The following CACNA2D1 variants were observed in gnomAD, a reference collection of about 807,000 sequenced individuals.
The protein encoded by CACNA2D1 is voltage-dependent calcium channel subunit alpha-2/delta-1.
A neutral mutation model predicts 171.5 loss-of-function variants in CACNA2D1; 53 were observed. That is an observed-to-expected ratio of 0.31 (90% CI 0.25 to 0.39). CACNA2D1 has a LOEUF of 0.39. Among genes scored for constraint, CACNA2D1 ranks in the 10% least tolerant of loss-of-function variants. The pLI is 1.00. For synonymous variants in CACNA2D1, 442 were observed against 443.1 expected, an observed-to-expected ratio of 1.00 and a Z score of 0.03; for missense variants, 903 against 1,299.8, an observed-to-expected ratio of 0.69 and a Z score of 4.69.
intron 3 of CACNA2D1, among the ~76,000 whole-genome samples, chr7:82,242,907 C>A (rs1226568438): frequency 6.6e-6 from 1 of 152,046 alleles, no homozygotes; most frequent in Non-Finnish European, 1.5e-5. Context: ...GCCTTAGAAT[C>A]ATATTTAGTG....
chr7:82,002,333 A>G (rs1468571324), intron 18 of CACNA2D1, among the ~76,000 whole-genome samples: 1 of 152,190 alleles, frequency 6.6e-6, no homozygotes, highest in African/African-American at 2.4e-5. Context: ...CAGAACACCA[A>G]TCTGTCCAAG....
chr7:81,971,656 T>C (rs1268652750), intron 26 of CACNA2D1, 121 bp downstream of exon 26: 1 of 678,370 alleles, frequency 1.5e-6, no homozygotes, highest in African/African-American at 1.8e-5. Context: ...AGTGATTTTC[T>C]TGAGAAATAT....
intron 7 of CACNA2D1, among the ~76,000 whole-genome samples, chr7:82,074,955 T>A (rs1462305118): frequency 6.6e-6 from 1 of 152,104 alleles, no homozygotes; most frequent in African/African-American, 2.4e-5. Flanking sequence ...GTTGGTCTGC[T>A]ACACCCATCA....
rs139185870 is a variant in CACNA2D1 at position 82,176,510 on chromosome 7, T to C, written c.295-5901A>G. ...ACTTACAGATTGTTAAAAATGTTTC[T>C]ATAAAGAAATATTATTAGTACTCTG... is the stretch of plus-strand genomic sequence containing the variant. On this transcript the variant is annotated intron_variant, in intron 3 of 38. Coordinates refer to ENST00000356860, the MANE Select transcript of CACNA2D1 (RefSeq NM_000722.4). Among the ~76,000 whole-genome samples, 449 of 152,086 alleles carry C rather than the reference T, an allele frequency of 3.0e-3. 2 individuals are homozygous for C. Among genetic ancestry groups the C allele is most frequent in the African/African-American group, 0.01 (428 of 41,528 alleles).
chr7:82,222,802 T>C (rs10232780), intron 3 of CACNA2D1, among the ~76,000 whole-genome samples: 33,954 of 151,982 alleles, frequency 0.22, 5,196 homozygotes, highest in African/African-American at 0.42. Flanking sequence ...TAAATAATTA[T>C]AATAATTGTT....
intron 2 of CACNA2D1, among the ~76,000 whole-genome samples, chr7:82,346,338 G>A (rs943031927): frequency 6.6e-6 from 1 of 152,118 alleles, no homozygotes; most frequent in East Asian, 1.9e-4. Context: ...CATTTGTTGA[G>A]TTCTCACTAT....
At position 82,398,582 on chromosome 7, in the gene CACNA2D1, CTT is replaced by C. The variant is rs145399408; in HGVS notation, c.95+44781_95+44782del. ...ACCACTTCAGTTTCTTTTCTTTCTCCTTTTTTTTTTTTTCAGATAGGGTCTTG... is the reference window on the plus strand; with the variant it reads ...ACCACTTCAGTTTCTTTTCTTTCTCCTTTTTTTTTTTCAGATAGGGTCTTG... On this transcript the variant is annotated intron_variant, in intron 1 of 38. Transcript: ENST00000356860. Among the ~76,000 whole-genome samples, 354 of 144,486 alleles carry C rather than the reference CTT, an allele frequency of 2.5e-3. 1 individual carries two copies. Among genetic ancestry groups the C allele is most frequent in the Non-Finnish European group, 3.8e-3 (248 of 65,826 alleles). 94.8% of individuals were successfully genotyped at this position (144,486 alleles called of 152,430 possible).
intron 4 of CACNA2D1, among the ~76,000 whole-genome samples, chr7:82,146,468 A>G (rs1793107871): frequency 6.9e-6 from 1 of 145,402 alleles, no homozygotes; most frequent in Non-Finnish European, 1.5e-5. Context: ...ATATAAATAT[A>G]TATCTTTATA....
chr7:81,994,926 A>G lies in CACNA2D1; in HGVS notation c.1676T>C (p.Met559Thr). ...TTTTTCTCCACTTTCCCCATCAATCATCTTATTTCGAATCTAAGAGTAAAT... is the reference window on the plus strand; with the variant it reads ...TTTTTCTCCACTTTCCCCATCAATCGTCTTATTTCGAATCTAAGAGTAAAT... ...NDIKVEIRNK[M>T]IDGESGEKTF... is the part of the protein sequence containing the mutation. The change falls in exon 20 of 39, where the codon ATG becomes ACG. Residue 559 changes from methionine to threonine, a missense_variant. Met to Thr is a moderately conservative substitution (Grantham distance 81, BLOSUM62 -1). Coordinates refer to ENST00000356860, the MANE Select transcript of CACNA2D1 (RefSeq NM_000722.4). The G allele has an allele frequency of 6.5e-7, 1 of 1,538,012 alleles. No individual in the cohort carries two copies. The highest frequency in any genetic ancestry group is 9.0e-7 in the Non-Finnish European group (1 of 1,110,930).
chr7:82,077,181 T>C (rs903289636), intron 7 of CACNA2D1, among the ~76,000 whole-genome samples: 1 of 152,218 alleles, frequency 6.6e-6, no homozygotes, highest in Admixed American at 6.5e-5. Context: ...AACACAAATG[T>C]CCATATAGTA....
At chr7:82,310,415 A>G (rs1020003551) in intron 3 of CACNA2D1, among the ~76,000 whole-genome samples, 2 of 152,078 alleles carry the variant, frequency 1.3e-5, no homozygotes, top group Non-Finnish European at 2.9e-5. Context: ...AAAATGATGC[A>G]GACAAAACTA....
At chr7:82,219,242 C>T (rs1246137806) in intron 3 of CACNA2D1, among the ~76,000 whole-genome samples, 2 of 152,024 alleles carry the variant, frequency 1.3e-5, no homozygotes, top group Admixed American at 6.6e-5. Flanking sequence ...ATCTCTGCTA[C>T]TTAGTAGGAA....
At chr7:82,261,315 C>T (rs1036636172) in intron 3 of CACNA2D1, among the ~76,000 whole-genome samples, 1 of 152,136 alleles carries the variant, frequency 6.6e-6, no homozygotes, top group African/African-American at 2.4e-5. Flanking sequence ...TTTGGCAAAC[C>T]CTGCATTGTG....
At chr7:81,998,981 A>G (rs1798321503) in intron 18 of CACNA2D1, among the ~76,000 whole-genome samples, 1 of 152,182 alleles carries the variant, frequency 6.6e-6, no homozygotes, top group South Asian at 2.1e-4. Flanking sequence ...CACAAACACC[A>G]TCATATCAGC....
intron 32 of CACNA2D1, among the ~76,000 whole-genome samples, chr7:81,964,889 A>C (rs1332004701): frequency 6.6e-6 from 1 of 152,004 alleles, no homozygotes; most frequent in Admixed American, 6.6e-5. Flanking sequence ...ATGCAAATCA[A>C]AGCTTTTTTT....
chr7:82,316,713 C>T (rs1815165830), intron 3 of CACNA2D1, among the ~76,000 whole-genome samples: 2 of 152,136 alleles, frequency 1.3e-5, no homozygotes, highest in Admixed American at 1.3e-4. Context: ...CTCACAGTTC[C>T]ACCTGACTGG....
At chr7:82,378,107 G>C (rs1029794380) in intron 1 of CACNA2D1, among the ~76,000 whole-genome samples, 1 of 152,158 alleles carries the variant, frequency 6.6e-6, no homozygotes, top group Non-Finnish European at 1.5e-5. Context: ...ATGGGTTTAA[G>C]AATATTAAGG....
At chr7:82,442,017 C>T (rs1830542216) in intron 1 of CACNA2D1, among the ~76,000 whole-genome samples, 1 of 152,146 alleles carries the variant, frequency 6.6e-6, no homozygotes, top group Admixed American at 6.5e-5. Flanking sequence ...TACCCTTTTG[C>T]TTCATAACAA....
At chr7:82,345,681 AGTGTGTGTGTGT>A (rs3054696) in intron 2 of CACNA2D1, among the ~76,000 whole-genome samples, 42 of 146,442 alleles carry the variant, frequency 2.9e-4, no homozygotes, top group Non-Finnish European at 5.0e-4. Context: ...TAGCTAAAGG[AGTGTGTGTGTGT>A]GTGTGTGTGT....
Sources: allele counts gnomAD v4.1 joint callset (sites outside exome capture counted in the v4.1 genomes callset), GRCh38; gene constraint gnomAD v4.1.1; transcripts MANE v1.5; gene names NCBI Gene and HGNC (gene_info 2026-07-23, HGNC 2026-07-21).